The following SATL1 variants were observed in gnomAD, a reference collection of about 807,000 sequenced individuals.
SATL1 encodes the protein spermidine/spermine N1-acetyl transferase like 1.
In SATL1, 47 loss-of-function variants were observed where a neutral mutation model predicts 51.8. The ratio of observed to expected loss-of-function variants is 0.91; its 90% CI spans 0.72 to 1.16. The LOEUF is 1.16. Ranked by LOEUF, SATL1 falls within the 50% of genes most tolerant of loss-of-function variation. The probability of loss-of-function intolerance (pLI) is 0.00; values close to 1 mark genes in which losing one functional copy is unlikely to be tolerated. For missense variants in SATL1, 520 were observed against 526.4 expected (o/e 0.99, Z 0.12); for synonymous variants, 176 against 182.4 (o/e 0.97, Z 0.28).
At chrX:85,144,099 AACAGC>A (rs1467121471) in intron 2 of SATL1, among the ~76,000 whole-genome samples, 2 of 111,598 alleles carry the variant, frequency 1.8e-5, no homozygotes, top group Non-Finnish European at 3.8e-5. Context: ...AATTTCTCTA[AACAGC>A]ACCATTTGAC....
chrX:85,154,080 A>T (rs914783270), intron 2 of SATL1, among the ~76,000 whole-genome samples: 4 of 111,805 alleles, frequency 3.6e-5, no homozygotes, highest in African/African-American at 1.3e-4. Flanking sequence ...TCAGATTAAC[A>T]CTGCCACACC....
rs868637718 is a variant in SATL1 at position 85,108,645 on chromosome X, G to A, written c.324C>T (p.Asp108=). The change falls in exon 3 of 8, where the codon GAC becomes GAT. Residue 108 remains aspartate (D), a synonymous_variant. Transcript: ENST00000644105. Reference sequence around the variant, plus strand: ...ATTGGCTTGGGCCTGGTTGCGATGGGTCTGGTTGGCTTATGCCTGCTTTGC... The same window carrying A: ...ATTGGCTTGGGCCTGGTTGCGATGGATCTGGTTGGCTTATGCCTGCTTTGC... The part of the protein sequence containing the change: ...VLSKAGISQP[D]PSQPGPSQSG... 1 of 1,202,373 alleles carries A rather than the reference G, an allele frequency of 8.3e-7. No individual in the cohort carries two copies. Among genetic ancestry groups the A allele is most frequent in the South Asian group, 1.8e-5 (1 of 55,856 alleles).
At chrX:85,184,208 C>T (rs1043957339) in intron 2 of SATL1, among the ~76,000 whole-genome samples, 1 of 111,375 alleles carries the variant, frequency 9.0e-6, no homozygotes, top group African/African-American at 3.3e-5. Flanking sequence ...TAGGTTGCAT[C>T]CAAACCTATA....
chrX:85,115,691 G>A (rs114073565), intron 2 of SATL1, among the ~76,000 whole-genome samples: 3,093 of 111,983 alleles, frequency 0.028, 122 homozygotes, highest in African/African-American at 0.095. Flanking sequence ...GGTGCACAAG[G>A]CCATTTCAAA....
At chrX:85,212,869 T>C (rs1198486906) in intron 2 of SATL1, 1 of 110,985 alleles carries the variant, frequency 9.0e-6, no homozygotes, top group African/African-American at 3.3e-5. Flanking sequence ...ACGTAATAAT[T>C]CAAGTAAAGG....
At chrX:85,241,120 T>A (rs1414941079) in intron 1 of SATL1, among the ~76,000 whole-genome samples, 1 of 111,608 alleles carries the variant, frequency 9.0e-6, no homozygotes, top group Non-Finnish European at 1.9e-5. Context: ...TAGACTATTT[T>A]AAAGGAAAAA....
At chrX:85,114,915 C>T (rs1925348452) in intron 2 of SATL1, among the ~76,000 whole-genome samples, 1 of 111,924 alleles carries the variant, frequency 8.9e-6, no homozygotes, top group Non-Finnish European at 1.9e-5. Context: ...TCTCTTTTGT[C>T]TGATTCCCAT....
chrX:85,163,091 A>G (rs1486934617), intron 2 of SATL1, among the ~76,000 whole-genome samples: 4 of 108,101 alleles, frequency 3.7e-5, no homozygotes, highest in Non-Finnish European at 7.7e-5. Context: ...CTCTTTCTCT[A>G]CCTTTTGGAA....
At chrX:85,138,559 T>G (rs2047233465) in intron 2 of SATL1, among the ~76,000 whole-genome samples, 1 of 112,034 alleles carries the variant, frequency 8.9e-6, no homozygotes. Context: ...TAGCAATTTG[T>G]CAATCACCAT....
intron 2 of SATL1, among the ~76,000 whole-genome samples, chrX:85,181,285 G>C (rs961236582): frequency 5.5e-5 from 6 of 108,617 alleles, no homozygotes; most frequent in Admixed American, 1.0e-4. Context: ...TGGAAATACT[G>C]CTTTCCTCTC....
chrX:85,230,954 G>T (rs778242485), intron 1 of SATL1, among the ~76,000 whole-genome samples: 1 of 111,945 alleles, frequency 8.9e-6, no homozygotes, highest in Admixed American at 9.5e-5. Flanking sequence ...TACATTGCTG[G>T]TGGGAATGTA....
At chrX:85,137,931 C>G (rs1255131764) in intron 2 of SATL1, among the ~76,000 whole-genome samples, 2 of 111,630 alleles carry the variant, frequency 1.8e-5, no homozygotes, top group Non-Finnish European at 3.8e-5. Flanking sequence ...CATGTTCAGT[C>G]TACTAATAAG....
chrX:85,225,275 T>C (rs1198394041), intron 1 of SATL1, among the ~76,000 whole-genome samples: 1 of 111,931 alleles, frequency 8.9e-6, no homozygotes, highest in African/African-American at 3.2e-5. Flanking sequence ...CAGATAAAAC[T>C]AGGGAAATTG....
intron 2 of SATL1, among the ~76,000 whole-genome samples, chrX:85,164,798 C>G (rs1305137689): frequency 9.3e-6 from 1 of 107,003 alleles, no homozygotes. Flanking sequence ...GATTTCAGCT[C>G]ACGGCAACCT....
intron 1 of SATL1, among the ~76,000 whole-genome samples, chrX:85,235,757 C>A (rs778059724): frequency 3.6e-5 from 4 of 110,552 alleles, no homozygotes; most frequent in Admixed American, 2.9e-4. Flanking sequence ...AAATAAACAA[C>A]CTAATGATGC....
At chrX:85,093,381 T>C in intron 6 of SATL1, 156 bp from the exon 7 acceptor site, 2 of 495,593 alleles carry the variant, frequency 4.0e-6, no homozygotes, top group Non-Finnish European at 6.5e-6. Flanking sequence ...TCATATCCCT[T>C]TTTCCTAATT....
intron 1 of SATL1, among the ~76,000 whole-genome samples, chrX:85,241,789 C>T (rs1162534472): frequency 1.8e-5 from 2 of 112,073 alleles, no homozygotes; most frequent in Non-Finnish European, 3.8e-5. Context: ...ATGATGTAGA[C>T]TCTACACTGT....
chrX:85,176,605 A>G (rs1388068970), intron 2 of SATL1, among the ~76,000 whole-genome samples: 2 of 111,659 alleles, frequency 1.8e-5, no homozygotes, highest in Non-Finnish European at 3.8e-5. Flanking sequence ...AATGCACAAG[A>G]GTGTGTATAA....
intron 4 of SATL1, among the ~76,000 whole-genome samples, chrX:85,101,922 C>T (rs1408854986): frequency 9.1e-6 from 1 of 109,940 alleles, no homozygotes; most frequent in Non-Finnish European, 1.9e-5. Flanking sequence ...GGCAGACACA[C>T]AAGGACAAAT....
Sources: gnomAD v4.1 joint callset for allele counts (sites outside exome capture counted in the v4.1 genomes callset) on GRCh38, gnomAD v4.1.1 for gene constraint, MANE v1.5 for transcripts, NCBI Gene and HGNC (gene_info 2026-07-23, HGNC 2026-07-21) for gene names.